Variants in AKAP10 observed in about 807,000 individuals in gnomAD.
AKAP10 encodes A-kinase anchor protein 10, mitochondrial.
AKAP10 carries 24 observed loss-of-function variants against 80.8 expected under a neutral mutation model. That is an observed-to-expected ratio of 0.30 (90% CI 0.22 to 0.42). The LOEUF (loss-of-function observed/expected upper bound fraction) is 0.42. Ranked by LOEUF, AKAP10 falls within the 10% of genes least tolerant of loss-of-function variation. The pLI is 1.00. For synonymous variants in AKAP10, 291 were observed against 277.7 expected (o/e 1.05, Z -0.48); for missense variants, 661 against 794.9 (o/e 0.83, Z 2.03).
chr17:19,946,275 A>ATATTTTTTTT (rs1396725688), intron 5 of AKAP10, among the ~76,000 whole-genome samples: 1 of 12,932 alleles, frequency 7.7e-5, no homozygotes, highest in Non-Finnish European at 1.4e-4. Context: ...ATATATATAT[A>ATATTTTTTTT]TTTTTTTTTT....
chr17:19,969,060 TGG>T (rs1014962246), intron 1 of AKAP10, among the ~76,000 whole-genome samples: 27 of 152,152 alleles, frequency 1.8e-4, no homozygotes, highest in Admixed American at 1.3e-4. Flanking sequence ...ATAATTTGTC[TGG>T]GCCAGGCACG....
chr17:19,934,454 C>T (rs1332586943), intron 9 of AKAP10, among the ~76,000 whole-genome samples: 1 of 152,110 alleles, frequency 6.6e-6, no homozygotes, highest in Non-Finnish European at 1.5e-5. Flanking sequence ...CTCATGCAAT[C>T]CTCCAGCTTC....
At chr17:19,957,145 A>G (rs1404094454) in intron 4 of AKAP10, among the ~76,000 whole-genome samples, 1 of 152,160 alleles carries the variant, frequency 6.6e-6, no homozygotes, top group Non-Finnish European at 1.5e-5. Flanking sequence ...TAGAGAAGAA[A>G]AAAAAACAGG....
chr17:19,951,294 C>T (rs2043210225), intron 4 of AKAP10, among the ~76,000 whole-genome samples: 1 of 151,560 alleles, frequency 6.6e-6, no homozygotes, highest in Admixed American at 6.6e-5. Context: ...CGCCTCCGCC[C>T]GGCCACTGCC....
intron 12 of AKAP10, among the ~76,000 whole-genome samples, chr17:19,911,416 C>A (rs1013103249): frequency 9.2e-5 from 14 of 152,186 alleles, no homozygotes; most frequent in Non-Finnish European, 1.6e-4. Context: ...AACTTTGAAT[C>A]TTTTTCTTCT....
At chr17:19,926,893 G>A (rs947952903) in intron 10 of AKAP10, among the ~76,000 whole-genome samples, 2 of 152,232 alleles carry the variant, frequency 1.3e-5, no homozygotes, top group African/African-American at 4.8e-5. Context: ...GGCCATGGCA[G>A]GTGAATCACC....
At position 19,958,591 on chromosome 17, in the gene AKAP10, G is replaced by C. The variant is rs1244872840; in HGVS notation, c.320-20C>G. ...ATCTGCCTAAAAGATAGAAGCAAAA[G>C]AATTAGCAGTTCAGCAACAAATAAT... is the stretch of plus-strand genomic sequence containing the variant. On this transcript the variant is annotated intron_variant, in intron 3 of 14. Coordinates refer to ENST00000225737, the MANE Select transcript of AKAP10 (RefSeq NM_007202.4). 4 of 1,564,914 alleles carry C rather than the reference G, an allele frequency of 2.6e-6. No individual in the cohort carries two copies. The highest frequency in any genetic ancestry group is 1.4e-5 in the African/African-American group (1 of 73,382).
rs147251167 is a variant in AKAP10, at chr17:19,966,034, T to C, written c.136+2380A>G. Among the ~76,000 whole-genome samples the C allele has an allele frequency of 4.8e-3, 732 of 152,218 alleles. 6 individuals are homozygous for C. Among genetic ancestry groups the C allele is most frequent in the African/African-American group, 0.017 (706 of 41,542 alleles). On this transcript the variant is annotated intron_variant, in intron 2 of 14. Coordinates refer to ENST00000225737, the MANE Select transcript of AKAP10 (RefSeq NM_007202.4). ...ATTTCAACTTAGGTTTGCTAGACTC[T>C]AAAAAATCACTCTCTAACCTTTGGT...
At chr17:19,915,467 A>G (rs1357567053) in intron 12 of AKAP10, among the ~76,000 whole-genome samples, 1 of 152,222 alleles carries the variant, frequency 6.6e-6, no homozygotes, top group East Asian at 1.9e-4. Flanking sequence ...GGCACATAGT[A>G]ATCACTCAAA....
chr17:19,934,482 G>C (rs1163401013), intron 9 of AKAP10, among the ~76,000 whole-genome samples: 1 of 152,098 alleles, frequency 6.6e-6, no homozygotes, highest in African/African-American at 2.4e-5. Flanking sequence ...TGAGTAGCTG[G>C]AACTATAGGT....
At chr17:19,918,356 C>T (rs1444266620) in intron 12 of AKAP10, among the ~76,000 whole-genome samples, 1 of 152,136 alleles carries the variant, frequency 6.6e-6, no homozygotes, top group African/African-American at 2.4e-5. Flanking sequence ...ACCAGCCTGG[C>T]CAATGTAGTG....
chr17:19,923,331 G>A (rs2152411568), intron 11 of AKAP10, among the ~76,000 whole-genome samples: 1 of 152,192 alleles, frequency 6.6e-6, no homozygotes, highest in East Asian at 1.9e-4. Context: ...GCCCGTCTCG[G>A]CCTCCCAAAG....
intron 3 of AKAP10, among the ~76,000 whole-genome samples, chr17:19,962,209 T>A (rs1452904380): frequency 2.0e-5 from 3 of 152,176 alleles, no homozygotes; most frequent in African/African-American, 7.2e-5. Flanking sequence ...GATATTTATA[T>A]GTTGTCCATA....
At chr17:19,909,529 A>G (rs1390485436) in intron 13 of AKAP10, among the ~76,000 whole-genome samples, 1 of 152,072 alleles carries the variant, frequency 6.6e-6, no homozygotes, top group African/African-American at 2.4e-5. Context: ...AAAATAAAAC[A>G]TTTTCCTTTT....
At chr17:19,938,267 C>A (rs984907433) in intron 8 of AKAP10, among the ~76,000 whole-genome samples, 2 of 147,876 alleles carry the variant, frequency 1.4e-5, no homozygotes, top group African/African-American at 5.0e-5. Context: ...GACAGAGTCT[C>A]CCTCTGTCAG....
chr17:19,935,038 T>C (rs1013850717), intron 9 of AKAP10, among the ~76,000 whole-genome samples: 5 of 150,216 alleles, frequency 3.3e-5, no homozygotes, highest in Admixed American at 6.9e-5. Context: ...AATCAATCAA[T>C]AAACAGAATT....
intron 2 of AKAP10, among the ~76,000 whole-genome samples, chr17:19,967,074 G>A (rs2043429317): frequency 6.6e-6 from 1 of 151,936 alleles, no homozygotes. Context: ...CTCAGTGCAA[G>A]CAATACAACA....
chr17:19,945,333 T>C (rs1002601012), intron 5 of AKAP10, among the ~76,000 whole-genome samples: 13 of 151,878 alleles, frequency 8.6e-5, no homozygotes, highest in African/African-American at 3.1e-4. Context: ...CAGACTCCCC[T>C]CAAAAAAAAA....
chr17:19,958,239 TCATAAA>T lies in AKAP10; in HGVS notation c.646_651del (p.Phe216_Met217del). 1 of 1,614,156 alleles carries T rather than the reference TCATAAA, an allele frequency of 6.2e-7. No homozygotes were observed. Among genetic ancestry groups the T allele is most frequent in the Middle Eastern group, 1.7e-4 (1 of 6,060 alleles). On this transcript the variant is annotated inframe_deletion, in exon 4 of 15. Transcript: ENST00000225737. Reference sequence around the variant, plus strand: ...TTCAGGTCAATTCCTTCTGAATGAGTCATAAACAACTGTGCTGAGCCAGAATCCTCC... The same window carrying T: ...TTCAGGTCAATTCCTTCTGAATGAGTCAACTGTGCTGAGCCAGAATCCTCC...
Sources: allele counts gnomAD v4.1 joint callset (sites outside exome capture counted in the v4.1 genomes callset), GRCh38; gene constraint gnomAD v4.1.1; transcripts MANE v1.5; gene names NCBI Gene and HGNC (gene_info 2026-07-23, HGNC 2026-07-21).